Variants in TSHR observed in about 807,000 individuals in gnomAD.
TSHR encodes the protein thyroid stimulating hormone receptor.
In TSHR, 51 loss-of-function variants were observed where a neutral mutation model predicts 64.1. That is an observed-to-expected ratio of 0.80 (90% CI 0.64 to 1.01). The LOEUF (loss-of-function observed/expected upper bound fraction) is 1.01, where lower values mean the gene tolerates loss of function less well. Ranked by LOEUF, TSHR falls within the 50% of genes least tolerant of loss-of-function variation. TSHR has a pLI of 0.00. For synonymous variants in TSHR, 361 were observed against 361.9 expected, an observed-to-expected ratio of 1.00 and a Z score of 0.03; for missense variants, 877 against 942.8, an observed-to-expected ratio of 0.93 and a Z score of 0.91.
At chr14:81,080,886 C>T (rs1163151296) in intron 3 of TSHR, among the ~76,000 whole-genome samples, 2 of 152,118 alleles carry the variant, frequency 1.3e-5, no homozygotes, top group Non-Finnish European at 2.9e-5. Flanking sequence ...AATTCCACTT[C>T]TATAAATTTT....
intron 1 of TSHR, among the ~76,000 whole-genome samples, chr14:81,008,454 G>A (rs532528995): frequency 2.0e-5 from 3 of 152,294 alleles, no homozygotes; most frequent in South Asian, 2.1e-4. Flanking sequence ...TTACAGGCGT[G>A]AGCCACTGCA....
chr14:81,124,811 A>T (rs1306639812), intron 8 of TSHR, among the ~76,000 whole-genome samples: 1 of 151,964 alleles, frequency 6.6e-6, no homozygotes, highest in Non-Finnish European at 1.5e-5. Context: ...TGCACTTGTC[A>T]GCTATTTGTA....
intron 3 of TSHR, among the ~76,000 whole-genome samples, chr14:81,080,987 A>G (rs191794420): frequency 2.0e-5 from 3 of 152,332 alleles, no homozygotes; most frequent in African/African-American, 7.2e-5. Context: ...TTTGGAAAGG[A>G]CTTAAATGCT....
intron 2 of TSHR, among the ~76,000 whole-genome samples, chr14:81,064,213 G>A (rs1886442086): frequency 6.6e-6 from 1 of 152,138 alleles, no homozygotes; most frequent in South Asian, 2.1e-4. Flanking sequence ...CTGATGCAGT[G>A]CCCAAAGTAC....
At chr14:81,021,379 A>G (rs1883741820) in intron 1 of TSHR, among the ~76,000 whole-genome samples, 1 of 152,142 alleles carries the variant, frequency 6.6e-6, no homozygotes, top group Non-Finnish European at 1.5e-5. Context: ...CACTGGTTAG[A>G]TGTTTTACCT....
chr14:81,036,200 C>T (rs963205063), intron 1 of TSHR, among the ~76,000 whole-genome samples: 7 of 152,164 alleles, frequency 4.6e-5, no homozygotes, highest in Non-Finnish European at 1.0e-4. Context: ...AAACTTCCCA[C>T]GTCTTTGGAG....
At chr14:81,140,448 G>T (rs566619495) in intron 9 of TSHR, among the ~76,000 whole-genome samples, 10 of 152,228 alleles carry the variant, frequency 6.6e-5, no homozygotes, top group Non-Finnish European at 1.2e-4. Context: ...ATTCATAGCA[G>T]TTTTGAGAAG....
At chr14:81,102,636 T>C (rs902154609) in intron 7 of TSHR, 7 of 267,212 alleles carry the variant, frequency 2.6e-5, no homozygotes, top group Non-Finnish European at 1.2e-5. Context: ...AGTCTGCCTT[T>C]GTAGTGTGAA....
At chr14:81,135,722 A>T (rs1891427688) in intron 8 of TSHR, among the ~76,000 whole-genome samples, 1 of 152,242 alleles carries the variant, frequency 6.6e-6, no homozygotes, top group South Asian at 2.1e-4. Context: ...AAGACATTCC[A>T]GTAAGCTTCA....
chr14:81,062,927 T>C (rs1375222267), intron 2 of TSHR, among the ~76,000 whole-genome samples: 1 of 152,124 alleles, frequency 6.6e-6, no homozygotes. Context: ...GTTTCTGTCA[T>C]TTCAGTAGTT....
intron 3 of TSHR, chr14:81,087,559 C>T (rs1888374288): frequency 3.5e-6 from 1 of 284,518 alleles, no homozygotes; most frequent in Non-Finnish European, 6.8e-6. Context: ...CCTCCCACTC[C>T]AACACTCATT....
chr14:81,137,256 T>C (rs1047032208), intron 8 of TSHR, among the ~76,000 whole-genome samples: 3 of 152,170 alleles, frequency 2.0e-5, no homozygotes, highest in African/African-American at 7.2e-5. Flanking sequence ...GAAATGCTGA[T>C]TTGCAGAGTG....
chr14:80,989,833 G>A (rs1181409597), intron 1 of TSHR, among the ~76,000 whole-genome samples: 2 of 152,104 alleles, frequency 1.3e-5, no homozygotes, highest in Non-Finnish European at 2.9e-5. Flanking sequence ...ACAGCTAAGG[G>A]AACTGAGACC....
chr14:81,085,645 C>T (rs1888233284), intron 3 of TSHR, among the ~76,000 whole-genome samples: 1 of 152,204 alleles, frequency 6.6e-6, no homozygotes, highest in African/African-American at 2.4e-5. Flanking sequence ...AGGTGGGCTG[C>T]ATTTTCTTTC....
At chr14:80,962,582 AT>A (rs1303386305) in intron 1 of TSHR, among the ~76,000 whole-genome samples, 1 of 152,218 alleles carries the variant, frequency 6.6e-6, no homozygotes, top group African/African-American at 2.4e-5. Context: ...GTAAAGTCAC[AT>A]TTTGTGGTTC....
chr14:81,046,981 TA>T (rs2139858347), intron 1 of TSHR, among the ~76,000 whole-genome samples: 1 of 152,282 alleles, frequency 6.6e-6, no homozygotes, highest in South Asian at 2.1e-4. Context: ...CTTCCCATAT[TA>T]AAAGTAAAAA....
chr14:81,141,001 C>A (rs768660203), intron 9 of TSHR, among the ~76,000 whole-genome samples: 1 of 152,232 alleles, frequency 6.6e-6, no homozygotes, highest in Non-Finnish European at 1.5e-5. Context: ...TGGTGGGTTC[C>A]TGTAATCCCA....
At chr14:81,088,099 A>T (rs533725040) in intron 4 of TSHR, 71 bp downstream of exon 4, 107 of 1,221,868 alleles carry the variant, frequency 8.8e-5, no homozygotes, top group Admixed American at 1.5e-4. Flanking sequence ...GTTGTCTCCC[A>T]GGAATCTCCC....
At chr14:81,008,771 A>T (rs759020296) in intron 1 of TSHR, among the ~76,000 whole-genome samples, 8 of 152,216 alleles carry the variant, frequency 5.3e-5, no homozygotes, top group Non-Finnish European at 7.3e-5. Flanking sequence ...AAAAGTTTCC[A>T]ATTACTGTAA....
Sources: gnomAD v4.1 joint callset for allele counts (sites outside exome capture counted in the v4.1 genomes callset) on GRCh38, gnomAD v4.1.1 for gene constraint, MANE v1.5 for transcripts, NCBI Gene and HGNC (gene_info 2026-07-23, HGNC 2026-07-21) for gene names.